ZZZ3: variants seen among roughly 807,000 people sequenced by gnomAD.
The protein encoded by ZZZ3 is ZZ-type zinc finger-containing protein 3.
ZZZ3 carries 22 observed loss-of-function variants against 95.2 expected under a neutral mutation model. The observed-to-expected ratio is 0.23, with a 90% CI of 0.17 to 0.33. The LOEUF (loss-of-function observed/expected upper bound fraction) is 0.33. Among genes scored for constraint, ZZZ3 ranks in the 10% least tolerant of loss-of-function variants. The pLI is 1.00. For missense variants in ZZZ3, 885 were observed against 1,066.5 expected, an observed-to-expected ratio of 0.83 and a Z score of 2.37; for synonymous variants, 335 against 358.9, an observed-to-expected ratio of 0.93 and a Z score of 0.75.
intron 1 of ZZZ3, among the ~76,000 whole-genome samples, chr1:77,682,181 G>A (rs1031748761): frequency 6.6e-6 from 1 of 152,170 alleles, no homozygotes; most frequent in African/African-American, 2.4e-5. Context: ...GAAAATAGAT[G>A]GGAGGAGTTC....
At chr1:77,682,047 A>C (rs1458217383) in intron 1 of ZZZ3, among the ~76,000 whole-genome samples, 1 of 152,228 alleles carries the variant, frequency 6.6e-6, no homozygotes, top group East Asian at 1.9e-4. Flanking sequence ...AGGCACGTAC[A>C]AAATGATGAA....
intron 4 of ZZZ3, among the ~76,000 whole-genome samples, chr1:77,637,676 AAAAAGTCTGT>A (rs528916747): frequency 3.7e-4 from 57 of 152,306 alleles, no homozygotes; most frequent in African/African-American, 1.2e-3. Context: ...AATAAAAAAT[AAAAAGTCTGT>A]ATTATCTCAA....
intron 5 of ZZZ3, among the ~76,000 whole-genome samples, chr1:77,626,494 G>A (rs548546421): frequency 2.4e-4 from 37 of 152,230 alleles, no homozygotes; most frequent in Middle Eastern, 3.4e-3. Context: ...CATAAGGAGC[G>A]TGCAACCTAG....
At chr1:77,587,546 G>A (rs1263443088) in intron 5 of ZZZ3, among the ~76,000 whole-genome samples, 6 of 152,292 alleles carry the variant, frequency 3.9e-5, no homozygotes, top group Admixed American at 2.6e-4. Flanking sequence ...TTACAGGCGT[G>A]AGCCACCGCG....
chr1:77,652,955 A>G (rs1233665681), intron 1 of ZZZ3, among the ~76,000 whole-genome samples: 1 of 152,146 alleles, frequency 6.6e-6, no homozygotes, highest in Non-Finnish European at 1.5e-5. Context: ...GCCTAGACAG[A>G]CAGGAGGATC....
At chr1:77,625,414 G>A (rs1168553648) in intron 5 of ZZZ3, among the ~76,000 whole-genome samples, 1 of 152,122 alleles carries the variant, frequency 6.6e-6, no homozygotes, top group Admixed American at 6.6e-5. Context: ...TCTGACAAGT[G>A]TTATTCTGAT....
At chr1:77,641,791 T>C in intron 1 of ZZZ3, 136 bp from the exon 2 acceptor site, 1 of 381,070 alleles carries the variant, frequency 2.6e-6, no homozygotes, top group East Asian at 3.7e-5. Context: ...ATTCCTTACA[T>C]TTAGCTGTGA....
At chr1:77,577,985 A>C (rs1662136401) in intron 11 of ZZZ3, among the ~76,000 whole-genome samples, 1 of 152,158 alleles carries the variant, frequency 6.6e-6, no homozygotes, top group South Asian at 2.1e-4. Flanking sequence ...CACTGTAGAA[A>C]GCAACAGAGA....
intron 11 of ZZZ3, among the ~76,000 whole-genome samples, 157 bp from the exon 12 acceptor site, chr1:77,576,377 T>C (rs1368524989): frequency 1.3e-5 from 2 of 152,176 alleles, no homozygotes; most frequent in Non-Finnish European, 2.9e-5. Flanking sequence ...GTTTTCTGCG[T>C]TTTTAAAGCA....
intron 5 of ZZZ3, among the ~76,000 whole-genome samples, chr1:77,591,014 C>T (rs569957045): frequency 3.9e-5 from 6 of 152,250 alleles, no homozygotes; most frequent in Admixed American, 2.6e-4. Context: ...AAGTTTTATA[C>T]TTTTCCTAAA....
At chr1:77,643,905 C>A (rs1334966532) in intron 1 of ZZZ3, among the ~76,000 whole-genome samples, 2 of 152,098 alleles carry the variant, frequency 1.3e-5, no homozygotes, top group Non-Finnish European at 2.9e-5. Flanking sequence ...GAAGGTCATA[C>A]AACAGAGTCA....
At chr1:77,670,349 T>A (rs563605286) in intron 1 of ZZZ3, among the ~76,000 whole-genome samples, 97 of 151,504 alleles carry the variant, frequency 6.4e-4, no homozygotes, top group African/African-American at 2.3e-3. Context: ...AACTTCCGCC[T>A]CCTGGGTTCA....
intron 5 of ZZZ3, among the ~76,000 whole-genome samples, chr1:77,586,797 C>CA (rs1393479405): frequency 6.6e-6 from 1 of 152,164 alleles, no homozygotes; most frequent in Admixed American, 6.5e-5. Context: ...CCAGCATACT[C>CA]AGACACTGCA....
At chr1:77,584,848 A>G in intron 5 of ZZZ3, 193 bp from the exon 6 acceptor site, 1 of 376,870 alleles carries the variant, frequency 2.7e-6, no homozygotes, top group East Asian at 4.0e-5. Flanking sequence ...AATAAGAGTT[A>G]GAGAAAGCAA....
At chr1:77,589,756 G>A (rs1051120945) in intron 5 of ZZZ3, among the ~76,000 whole-genome samples, 1 of 151,914 alleles carries the variant, frequency 6.6e-6, no homozygotes, top group Non-Finnish European at 1.5e-5. Context: ...CACTGTGCTC[G>A]GCCTATAAGT....
chr1:77,639,496 T>C lies in ZZZ3; in HGVS notation c.-99A>G. The C allele has an allele frequency of 6.7e-7, 1 of 1,499,044 alleles. No individual in the cohort carries two copies. The allele number at this position is 1,499,044 out of a possible 1,614,324, so 92.9% of individuals were successfully genotyped here. A position where few individuals can be genotyped will look rare whatever the true frequency, so the allele number is the denominator to read the frequency against. ...TTGTGGAAATATAATCTCTTTTCCT[T>C]ATATCCTGAAGGAGTTGGAGCTATG... On this transcript the variant is annotated 5_prime_UTR_variant, in exon 4 of 15. The change creates a new upstream start codon in the 5' untranslated region. Coordinates refer to ENST00000370801, the MANE Select transcript of ZZZ3 (RefSeq NM_015534.6).
chr1:77,631,829 G>C, intron 5 of ZZZ3, 21 bp downstream of exon 5: 1 of 1,507,346 alleles, frequency 6.6e-7, no homozygotes, highest in South Asian at 1.4e-5. Flanking sequence ...CAGAATTCAT[G>C]GTTACCATAT....
At chr1:77,672,955 C>T (rs1372748128) in intron 1 of ZZZ3, among the ~76,000 whole-genome samples, 2 of 152,046 alleles carry the variant, frequency 1.3e-5, no homozygotes, top group African/African-American at 4.8e-5. Context: ...AGAAAGTAGG[C>T]TAAAACTTTA....
intron 1 of ZZZ3, among the ~76,000 whole-genome samples, chr1:77,654,422 A>C (rs1320213420): frequency 6.6e-6 from 1 of 152,154 alleles, no homozygotes; most frequent in Non-Finnish European, 1.5e-5. Flanking sequence ...AAATTACAAG[A>C]AATTTGAACT....
Sources: gnomAD v4.1 joint callset for allele counts (sites outside exome capture counted in the v4.1 genomes callset) on GRCh38, gnomAD v4.1.1 for gene constraint, MANE v1.5 for transcripts, NCBI Gene and HGNC (gene_info 2026-07-23, HGNC 2026-07-21) for gene names.